The following UTRN variants were observed in gnomAD, a reference collection of about 807,000 sequenced individuals.
UTRN encodes dystrophin-related protein 1.
Under a neutral mutation model 463.9 loss-of-function variants are expected in UTRN, and 283 were observed. That is an observed-to-expected ratio of 0.61 (90% CI 0.55 to 0.67). UTRN has a LOEUF of 0.67. UTRN is among the 30% of genes least tolerant of loss of function. The pLI is 0.00. For synonymous variants in UTRN, 1,442 were observed against 1,431.5 expected (o/e 1.01, Z -0.17); for missense variants, 3,922 against 4,084.3 (o/e 0.96, Z 1.08).
intron 51 of UTRN, among the ~76,000 whole-genome samples, chr6:144,629,707 GCTC>G (rs1423052809): frequency 6.6e-6 from 1 of 152,130 alleles, no homozygotes; most frequent in East Asian, 1.9e-4. Context: ...TAATCACTGT[GCTC>G]CTCATCTGAG....
At chr6:144,568,447 G>A (rs963297390) in intron 50 of UTRN, among the ~76,000 whole-genome samples, 1 of 151,884 alleles carries the variant, frequency 6.6e-6, no homozygotes, top group African/African-American at 2.4e-5. Context: ...GTATTATCTC[G>A]TTATTTTTCT....
rs764095649 is a variant in UTRN at position 144,828,854 on chromosome 6, G to A, written c.9664G>A (p.Val3222Met). 2 of 1,613,274 alleles carry A rather than the reference G, an allele frequency of 1.2e-6. No homozygotes were observed. Among genetic ancestry groups the A allele is most frequent in the South Asian group, 2.2e-5 (2 of 91,046 alleles). Residue 3222 changes from valine (V) to methionine (M), a missense_variant and splice_region_variant, in exon 69 of 75, where the codon GTG becomes ATG. This residue lies in a region of UTRN where 1,309 missense variants were observed against 1,452.6 expected (regional missense o/e 0.90). Coordinates refer to ENST00000367545, the MANE Select transcript of UTRN (RefSeq NM_007124.3). ...LTDSSSTTGS[V>M]EDEHALIQQY... is the part of the protein sequence containing the mutation. ...TGATAGCAGCTCCACCACAGGAAGT[G>A]TGTAAGTAAATCATGAAATTAGTGC... is the stretch of plus-strand genomic sequence containing the variant.
chr6:144,566,661 A>G (rs1800430827), intron 50 of UTRN, among the ~76,000 whole-genome samples: 1 of 152,166 alleles, frequency 6.6e-6, no homozygotes, highest in African/African-American at 2.4e-5. Flanking sequence ...CTCTATATAC[A>G]GTGCCCCTGA....
At chr6:144,360,541 C>T (rs1449395326) in intron 2 of UTRN, among the ~76,000 whole-genome samples, 1 of 152,150 alleles carries the variant, frequency 6.6e-6, no homozygotes, top group Non-Finnish European at 1.5e-5. Context: ...GACCCCACTC[C>T]CTGCTGTCAG....
chr6:144,757,945 G>A lies in UTRN; in HGVS notation c.8451G>A (p.Pro2817=), dbSNP rs147309348. The part of the protein sequence containing the change: ...QHFLSTSVQL[P]WQRSISHNKV... ...TTTCCTCAGCGTCAGTCCAGCTGCCGTGGCAAAGATCCATTTCACATAATA... is the reference window on the plus strand; with the variant it reads ...TTTCCTCAGCGTCAGTCCAGCTGCCATGGCAAAGATCCATTTCACATAATA... The change falls in exon 58 of 75, where the codon CCG becomes CCA. Residue 2817 remains proline (P), a synonymous_variant. Transcript: ENST00000367545. The A allele has an allele frequency of 1.5e-4, 242 of 1,610,168 alleles. 1 individual carries two copies. Among genetic ancestry groups the A allele is most frequent in the African/African-American group, 4.3e-4 (32 of 74,798 alleles).
chr6:144,388,804 C>G (rs1781645903), intron 2 of UTRN, among the ~76,000 whole-genome samples: 1 of 152,106 alleles, frequency 6.6e-6, no homozygotes, highest in African/African-American at 2.4e-5. Context: ...GCCCTACCCG[C>G]TAGTATCCTT....
At chr6:144,833,072 G>A (rs959046063) in intron 69 of UTRN, among the ~76,000 whole-genome samples, 3 of 152,028 alleles carry the variant, frequency 2.0e-5, no homozygotes, top group Non-Finnish European at 4.4e-5. Context: ...TGCCCATCTC[G>A]ACCTCCCAAA....
At position 144,490,965 on chromosome 6, in the gene UTRN, T is replaced by C; in HGVS notation, c.4300T>C (p.Phe1434Leu). Residue 1434 changes from phenylalanine to leucine, a missense_variant, in exon 32 of 75, where the codon TTC (phenylalanine) becomes CTC (leucine). Around this residue, in one of 3 missense-constraint regions of UTRN, gnomAD observed 2,349 missense variants for 2,303.8 expected, o/e 1.02. Coordinates refer to ENST00000367545, the MANE Select transcript of UTRN (RefSeq NM_007124.3). ...AGAGGTGTCCACAAAGTTCCAGCTT[T>C]TCCAGAAGCCAGCTAACTTCGAGCA... Reference protein sequence around the residue: ...LREVSTKFQLFQKPANFEQRM... With the variant: ...LREVSTKFQLLQKPANFEQRM... 6.2e-7 allele frequency: 1 copy of C among 1,609,242 alleles called. No individual in the cohort carries two copies.
intron 3 of UTRN, among the ~76,000 whole-genome samples, chr6:144,405,503 C>T (rs151006287): frequency 6.6e-6 from 1 of 152,024 alleles, no homozygotes; most frequent in Non-Finnish European, 1.5e-5. Context: ...AAATAAATCC[C>T]GTTGAAGGGA....
intron 66 of UTRN, among the ~76,000 whole-genome samples, chr6:144,824,827 A>T (rs1454585713): frequency 6.7e-6 from 1 of 150,320 alleles, no homozygotes; most frequent in East Asian, 2.0e-4. Flanking sequence ...CTGGCTCCAG[A>T]CATAAGCCTG....
At chr6:144,502,154 C>A (rs1313828680) in intron 34 of UTRN, among the ~76,000 whole-genome samples, 2 of 150,506 alleles carry the variant, frequency 1.3e-5, no homozygotes, top group Non-Finnish European at 3.0e-5. Flanking sequence ...TTTTAATGAA[C>A]AAAATCCATC....
intron 23 of UTRN, among the ~76,000 whole-genome samples, chr6:144,464,285 TCTTTG>T (rs1336240964): frequency 6.6e-6 from 1 of 152,068 alleles, no homozygotes; most frequent in Non-Finnish European, 1.5e-5. Context: ...GGAGGGGCGT[TCTTTG>T]ACTCAGGAAC....
intron 22 of UTRN, 136 bp from the exon 23 acceptor site, chr6:144,462,518 C>T (rs556433400): frequency 1.3e-6 from 1 of 762,144 alleles, no homozygotes; most frequent in Non-Finnish European, 2.1e-6. Flanking sequence ...ATTCACACTC[C>T]CACCCACTGT....
chr6:144,732,771 G>C (rs992157249), intron 54 of UTRN, among the ~76,000 whole-genome samples: 13 of 151,994 alleles, frequency 8.6e-5, no homozygotes, highest in Admixed American at 8.5e-4. Context: ...GGAGTGTAGT[G>C]GTGAAATCAC....
chr6:144,447,671 G>A lies in UTRN; in HGVS notation c.1792G>A (p.Gly598Arg), dbSNP rs766222543. 6.8e-6 allele frequency: 11 copies of A among 1,613,824 alleles called. No homozygotes were observed. The African/African-American group carries it at 8.0e-5, about 12-fold the overall frequency. Residue 598 changes from glycine to arginine, a missense_variant, in exon 16 of 75, where the codon GGA (glycine) becomes AGA (arginine). Physicochemically the swap from Gly to Arg is moderately radical, Grantham distance 125 (BLOSUM62 -2). Coordinates refer to ENST00000367545, the MANE Select transcript of UTRN (RefSeq NM_007124.3). ...DQLSEIGQDV[G>R]QLLDNSKASK... ...GCTGAGTGAGATTGGCCAGGATGTG[G>A]GACAATTACTTGATAATTCCAAGGC...
chr6:144,563,021 A>G (rs1009646243), intron 50 of UTRN, among the ~76,000 whole-genome samples: 28 of 152,156 alleles, frequency 1.8e-4, no homozygotes, highest in Admixed American at 2.6e-4. Context: ...GTCTGTTCAT[A>G]AGACACAATT....
Position 144,570,503 on chromosome 6 carries a change from C to T in UTRN, c.7290-6596C>T, listed in dbSNP as rs370067742. Reference sequence around the variant, plus strand: ...CTAGTGAGCAATGGAGCTTTGTCTACCTTAATCCAAAATCCATATTTTTTT... The same window carrying T: ...CTAGTGAGCAATGGAGCTTTGTCTATCTTAATCCAAAATCCATATTTTTTT... On this transcript the variant is annotated intron_variant, in intron 50 of 74. Transcript: ENST00000367545. Among the ~76,000 whole-genome samples the T allele has an allele frequency of 1.1e-4, 17 of 152,256 alleles. No homozygotes were observed. The South Asian group carries it at 1.2e-3, about 11-fold the overall frequency.
At chr6:144,297,846 A>C (rs1443043242) in intron 2 of UTRN, among the ~76,000 whole-genome samples, 1 of 152,226 alleles carries the variant, frequency 6.6e-6, no homozygotes, top group East Asian at 1.9e-4. Context: ...CTTTTAGAGG[A>C]GATCCATTCC....
At chr6:144,757,500 G>A (rs1013642518) in intron 57 of UTRN, among the ~76,000 whole-genome samples, 7 of 152,162 alleles carry the variant, frequency 4.6e-5, no homozygotes, top group African/African-American at 1.4e-4. Flanking sequence ...ACGATGCAAA[G>A]TAAACAATGT....
Sources: gnomAD v4.1 joint callset for allele counts (sites outside exome capture counted in the v4.1 genomes callset) on GRCh38, gnomAD v4.1.1 for gene constraint, gnomAD v4.1.1 regional missense constraint, MANE v1.5 for transcripts, NCBI Gene and HGNC (gene_info 2026-07-23, HGNC 2026-07-21) for gene names.